SCAPER: variants seen among roughly 807,000 people sequenced by gnomAD.
SCAPER encodes S phase cyclin A-associated protein in the endoplasmic reticulum.
Under a neutral mutation model 182.2 loss-of-function variants are expected in SCAPER, and 98 were observed. The ratio of observed to expected loss-of-function variants is 0.54; its 90% CI spans 0.46 to 0.64. SCAPER has a LOEUF of 0.64. SCAPER is among the 30% of genes least tolerant of loss of function. The probability of loss-of-function intolerance (pLI) is 0.00; values close to 1 mark genes in which losing one functional copy is unlikely to be tolerated. For missense variants in SCAPER, 1,432 were observed against 1,690.0 expected, an observed-to-expected ratio of 0.85 and a Z score of 2.68; for synonymous variants, 605 against 564.6, an observed-to-expected ratio of 1.07 and a Z score of -1.01.
intron 21 of SCAPER, among the ~76,000 whole-genome samples, chr15:76,625,841 C>T (rs2052523886): frequency 6.6e-6 from 1 of 152,116 alleles, no homozygotes; most frequent in African/African-American, 2.4e-5. Context: ...AGGCTCCCAG[C>T]TGATCGCAGA....
chr15:76,822,830 GGAA>G (rs1168641852), intron 5 of SCAPER, among the ~76,000 whole-genome samples: 1 of 152,126 alleles, frequency 6.6e-6, no homozygotes, highest in Non-Finnish European at 1.5e-5. Context: ...CCACTCCTCA[GGAA>G]GAAGAAATTG....
At chr15:76,679,716 C>T (rs2057577633) in intron 20 of SCAPER, among the ~76,000 whole-genome samples, 2 of 151,768 alleles carry the variant, frequency 1.3e-5, no homozygotes, top group South Asian at 2.1e-4. Context: ...ACCATCTGTC[C>T]CCTCACCACT....
chr15:76,812,074 G>T (rs2066667630), intron 5 of SCAPER, among the ~76,000 whole-genome samples: 1 of 152,154 alleles, frequency 6.6e-6, no homozygotes, highest in Admixed American at 6.5e-5. Flanking sequence ...AACACTTTGG[G>T]AGGCCGAGGC....
chr15:76,399,092 G>A (rs2044276726), intron 27 of SCAPER, among the ~76,000 whole-genome samples: 1 of 152,150 alleles, frequency 6.6e-6, no homozygotes, highest in East Asian at 1.9e-4. Context: ...CTCTTTACTT[G>A]TAGGACCAAG....
chr15:76,647,901 A>T (rs751068664), intron 21 of SCAPER, among the ~76,000 whole-genome samples: 1 of 152,218 alleles, frequency 6.6e-6, no homozygotes, highest in Non-Finnish European at 1.5e-5. Flanking sequence ...ACTCTATGTC[A>T]AACAAAGTTT....
chr15:76,801,913 G>GA lies in SCAPER; in HGVS notation c.495-1550dup, dbSNP rs756923499. Among the ~76,000 whole-genome samples the GA allele has an allele frequency of 2.2e-3, 313 of 140,024 alleles. 3 individuals are homozygous for GA. The East Asian group carries it at 0.026, about 12-fold the overall frequency. 91.9% of individuals were successfully genotyped at this position (140,024 alleles called of 152,430 possible). On this transcript the variant is annotated intron_variant, in intron 6 of 31. Transcript: ENST00000563290. ...TAAAGAGTAAGACTCTGTCTCCAAGGAAAAAAAAAAAAGGGATGCCTCAGG... is the reference window on the plus strand; with the variant it reads ...TAAAGAGTAAGACTCTGTCTCCAAGGAAAAAAAAAAAAAGGGATGCCTCAGG...
At chr15:76,484,879 T>C (rs986480203) in intron 24 of SCAPER, among the ~76,000 whole-genome samples, 9 of 150,588 alleles carry the variant, frequency 6.0e-5, no homozygotes, top group Non-Finnish European at 1.0e-4. Context: ...AAAACCTCAA[T>C]AAACTAGGTA....
At chr15:76,700,991 G>A (rs972902560) in intron 20 of SCAPER, among the ~76,000 whole-genome samples, 13 of 151,478 alleles carry the variant, frequency 8.6e-5, no homozygotes, top group African/African-American at 3.2e-4. Context: ...TACAACAAAT[G>A]ATCTATATTA....
chr15:76,493,247 T>C (rs578161833), intron 24 of SCAPER, among the ~76,000 whole-genome samples: 2 of 152,332 alleles, frequency 1.3e-5, no homozygotes, highest in South Asian at 4.1e-4. Flanking sequence ...TATCATAAAA[T>C]ATAACATTTT....
At chr15:76,892,715 T>C (rs1181113437) in intron 1 of SCAPER, among the ~76,000 whole-genome samples, 1 of 152,208 alleles carries the variant, frequency 6.6e-6, no homozygotes, top group Non-Finnish European at 1.5e-5. Flanking sequence ...GCTTTTACAC[T>C]GTTGGTGGGA....
intron 8 of SCAPER, among the ~76,000 whole-genome samples, chr15:76,784,284 A>G (rs1234661321): frequency 6.6e-6 from 1 of 152,224 alleles, no homozygotes; most frequent in Non-Finnish European, 1.5e-5. Flanking sequence ...TCCCATTCAC[A>G]ATTGCTTCAA....
chr15:76,392,548 C>G (rs1007524898), intron 27 of SCAPER, among the ~76,000 whole-genome samples: 1 of 141,668 alleles, frequency 7.1e-6, no homozygotes, highest in African/African-American at 2.6e-5. Flanking sequence ...CCAGCCTGGG[C>G]AACATAGGGA....
At chr15:76,439,412 A>G (rs1682651755) in intron 25 of SCAPER, among the ~76,000 whole-genome samples, 1 of 152,248 alleles carries the variant, frequency 6.6e-6, no homozygotes, top group African/African-American at 2.4e-5. Context: ...ACTGTAAATG[A>G]CATTTTATTC....
At chr15:76,756,034 G>A (rs1282405196) in intron 14 of SCAPER, among the ~76,000 whole-genome samples, 7 of 151,994 alleles carry the variant, frequency 4.6e-5, no homozygotes, top group East Asian at 1.9e-4. Flanking sequence ...CTTCAGGTCC[G>A]GAGTTCGAGA....
chr15:76,621,952 G>A (rs1364082060), intron 21 of SCAPER, 123 bp from the exon 22 acceptor site: 1 of 635,110 alleles, frequency 1.6e-6, no homozygotes, highest in Non-Finnish European at 2.8e-6. Context: ...GGTGATTGAA[G>A]TGGCTGACTA....
At chr15:76,696,909 A>G (rs1482317090) in intron 20 of SCAPER, among the ~76,000 whole-genome samples, 4 of 152,316 alleles carry the variant, frequency 2.6e-5, no homozygotes, top group Middle Eastern at 3.4e-3. Flanking sequence ...AACAGTAGAA[A>G]AATGTCCCAG....
intron 4 of SCAPER, among the ~76,000 whole-genome samples, chr15:76,844,809 C>T (rs1436893315): frequency 6.6e-6 from 1 of 152,090 alleles, no homozygotes; most frequent in Non-Finnish European, 1.5e-5. Flanking sequence ...AGTACCAATC[C>T]TACTCAAACT....
chr15:76,591,162 C>G (rs1026872975), intron 22 of SCAPER, among the ~76,000 whole-genome samples: 11 of 151,964 alleles, frequency 7.2e-5, no homozygotes, highest in African/African-American at 2.7e-4. Flanking sequence ...TGCACTTGTA[C>G]CTCAACCCTT....
chr15:76,780,046 C>T (rs547697239), intron 8 of SCAPER, among the ~76,000 whole-genome samples: 2 of 152,288 alleles, frequency 1.3e-5, no homozygotes, highest in East Asian at 3.9e-4. Context: ...GAGGCGCCCA[C>T]AAAAGGCGAG....
Sources: allele counts gnomAD v4.1 joint callset (sites outside exome capture counted in the v4.1 genomes callset), GRCh38; gene constraint gnomAD v4.1.1; transcripts MANE v1.5; gene names NCBI Gene and HGNC (gene_info 2026-07-23, HGNC 2026-07-21).